The following TMEM132D variants were observed in gnomAD, a reference collection of about 807,000 sequenced individuals.
The protein encoded by TMEM132D is transmembrane protein 132D.
In TMEM132D, 21 loss-of-function variants were observed where a neutral mutation model predicts 62.3. That is an observed-to-expected ratio of 0.34 (90% confidence interval 0.24 to 0.49). The LOEUF is 0.49. TMEM132D is among the 20% of genes least tolerant of loss of function. The pLI, the probability that TMEM132D is intolerant of heterozygous loss-of-function variation, is 0.99. For synonymous variants in TMEM132D, 621 were observed against 575.6 expected (o/e 1.08, Z -1.13); for missense variants, 1,346 against 1,402.8 (o/e 0.96, Z 0.65).
rs1462851403 is a variant in TMEM132D, at chr12:129,209,587, T to C, written c.1376A>G (p.Asp459Gly). 6.2e-7 allele frequency: 1 copy of C among 1,614,140 alleles called. No individual in the cohort carries two copies. Among genetic ancestry groups the C allele is most frequent in the African/African-American group, 1.3e-5 (1 of 75,038 alleles). ...AVPVKVVSVE[D>G]DGTVTELLES... is the part of the protein sequence containing the mutation. ...CAGCAGCTCTGTCACTGTGCCGTCG[T>C]CCTCCACGGAGACCACTTTCACCGG... Residue 459 changes from aspartate (D) to glycine (G), a missense_variant, in exon 5 of 9, where the codon GAC becomes GGC. By Grantham distance (94) the Asp-to-Gly change is moderately conservative (BLOSUM62 -1). Transcript: ENST00000422113.
chr12:129,711,944 G>A (rs1277769542), intron 1 of TMEM132D, among the ~76,000 whole-genome samples: 1 of 151,646 alleles, frequency 6.6e-6, no homozygotes, highest in Non-Finnish European at 1.5e-5. Context: ...GAGAGAAGTC[G>A]AGGGCTTCCT....
At chr12:129,428,214 T>A (rs1211305185) in intron 3 of TMEM132D, among the ~76,000 whole-genome samples, 1 of 152,220 alleles carries the variant, frequency 6.6e-6, no homozygotes, top group Non-Finnish European at 1.5e-5. Flanking sequence ...AATTGGATAC[T>A]TTAAAAGTTA....
At chr12:129,311,849 G>A (rs11060244) in intron 4 of TMEM132D, among the ~76,000 whole-genome samples, 33,714 of 152,052 alleles carry the variant, frequency 0.22, 4,786 homozygotes, top group East Asian at 0.4. Context: ...AGGAGAGAGC[G>A]TCTAGGGCTC....
intron 4 of TMEM132D, among the ~76,000 whole-genome samples, chr12:129,301,328 G>A (rs1324279416): frequency 2.0e-5 from 3 of 151,970 alleles, no homozygotes; most frequent in African/African-American, 7.3e-5. Flanking sequence ...TTTGTATACA[G>A]CACACACCTT....
rs566399724 is a variant in TMEM132D at position 129,710,321 on chromosome 12, A to G, written c.80-9623T>C. On this transcript the variant is annotated intron_variant, in intron 1 of 8. Transcript: ENST00000422113. ...ATTTATTTATTTATTTTTGAGACAG[A>G]GTCTCACTGTGTCACCCAGGCTGGA... Among the ~76,000 whole-genome samples the G allele has an allele frequency of 2.0e-3, 304 of 152,148 alleles. 1 individual carries two copies. The highest frequency in any genetic ancestry group is 3.6e-3 in the Non-Finnish European group (247 of 68,022).
chr12:129,126,759 T>A (rs1876225162), intron 5 of TMEM132D, among the ~76,000 whole-genome samples: 1 of 152,198 alleles, frequency 6.6e-6, no homozygotes, highest in Non-Finnish European at 1.5e-5. Flanking sequence ...ATGCGATGGC[T>A]TTCTTGTATA....
chr12:129,119,773 G>T (rs1876001970), intron 5 of TMEM132D, among the ~76,000 whole-genome samples: 1 of 152,168 alleles, frequency 6.6e-6, no homozygotes, highest in South Asian at 2.1e-4. Flanking sequence ...TAGGGATGAA[G>T]TTTCTGATTT....
chr12:129,229,283 A>G (rs1244700620), intron 4 of TMEM132D, among the ~76,000 whole-genome samples: 1 of 152,246 alleles, frequency 6.6e-6, no homozygotes, highest in Non-Finnish European at 1.5e-5. Flanking sequence ...AAAGTCTGAC[A>G]ATATGATGCT....
At chr12:129,704,974 G>A (rs192056772) in intron 1 of TMEM132D, among the ~76,000 whole-genome samples, 1 of 152,178 alleles carries the variant, frequency 6.6e-6, no homozygotes, top group East Asian at 1.9e-4. Context: ...AGAAGATCCT[G>A]AAGTATTAAA....
intron 3 of TMEM132D, among the ~76,000 whole-genome samples, chr12:129,455,495 T>G (rs979314229): frequency 6.6e-6 from 1 of 152,208 alleles, no homozygotes; most frequent in Non-Finnish European, 1.5e-5. Context: ...GTGATTATAA[T>G]GCAATTTGAT....
intron 3 of TMEM132D, among the ~76,000 whole-genome samples, chr12:129,500,743 C>T (rs1338094821): frequency 1.3e-5 from 2 of 152,120 alleles, no homozygotes; most frequent in African/African-American, 4.8e-5. Context: ...CATTCCTCTG[C>T]GATAAAAGAA....
chr12:129,535,784 G>T (rs1221794199), intron 2 of TMEM132D, among the ~76,000 whole-genome samples: 61 of 139,490 alleles, frequency 4.4e-4, no homozygotes, highest in African/African-American at 1.9e-3. Flanking sequence ...GTGCGTGTGT[G>T]TGTGTGTGTG....
intron 3 of TMEM132D, among the ~76,000 whole-genome samples, chr12:129,530,138 A>G (rs1191395264): frequency 1.3e-5 from 2 of 152,180 alleles, no homozygotes; most frequent in African/African-American, 4.8e-5. Flanking sequence ...TCATCCCCAC[A>G]TTGGTTTCAA....
At chr12:129,849,791 C>T (rs200949136) in intron 1 of TMEM132D, among the ~76,000 whole-genome samples, 4 of 152,220 alleles carry the variant, frequency 2.6e-5, no homozygotes, top group East Asian at 1.9e-4. Context: ...TCAGTATACA[C>T]GATTACACAG....
intron 3 of TMEM132D, among the ~76,000 whole-genome samples, chr12:129,378,969 A>AG (rs138345459): frequency 3.9e-4 from 59 of 152,220 alleles, no homozygotes; most frequent in African/African-American, 1.2e-3. Flanking sequence ...TCACTCAGGA[A>AG]GGGGGGGACA....
At chr12:129,645,238 A>C (rs1041513059) in intron 2 of TMEM132D, among the ~76,000 whole-genome samples, 1 of 152,080 alleles carries the variant, frequency 6.6e-6, no homozygotes, top group Non-Finnish European at 1.5e-5. Flanking sequence ...AGGAGGCTTC[A>C]CCTACATACC....
At chr12:129,831,211 G>A (rs913427928) in intron 1 of TMEM132D, among the ~76,000 whole-genome samples, 3 of 152,190 alleles carry the variant, frequency 2.0e-5, no homozygotes, top group Non-Finnish European at 4.4e-5. Flanking sequence ...GGTGAAGAAA[G>A]CTGGTTTCCC....
chr12:129,388,954 A>G (rs1300972630), intron 3 of TMEM132D, among the ~76,000 whole-genome samples: 1 of 134,308 alleles, frequency 7.4e-6, no homozygotes, highest in Non-Finnish European at 1.7e-5. Flanking sequence ...AGCACTGATG[A>G]TAATATTAAC....
intron 5 of TMEM132D, among the ~76,000 whole-genome samples, chr12:129,208,229 G>C (rs1487464375): frequency 1.3e-5 from 2 of 152,180 alleles, no homozygotes; most frequent in African/African-American, 4.8e-5. Context: ...CTGGATCCTG[G>C]CTATCCTTGG....
Sources: allele counts gnomAD v4.1 joint callset (sites outside exome capture counted in the v4.1 genomes callset), GRCh38; gene constraint gnomAD v4.1.1; transcripts MANE v1.5; gene names NCBI Gene and HGNC (gene_info 2026-07-23, HGNC 2026-07-21).